ZNF85: variants seen among roughly 807,000 people sequenced by gnomAD.
ZNF85 encodes zinc finger protein 85, also known as zinc finger protein 85 (HPF4, HTF1).
In ZNF85, 50 loss-of-function variants were observed where a neutral mutation model predicts 53.9. The ratio of observed to expected loss-of-function variants is 0.93; its 90% CI spans 0.74 to 1.17. The LOEUF (loss-of-function observed/expected upper bound fraction) is 1.17, where lower values mean the gene tolerates loss of function less well. ZNF85 is among the 50% of genes most tolerant of loss of function. ZNF85 has a pLI of 0.00. For missense variants in ZNF85, 747 were observed against 688.5 expected, an observed-to-expected ratio of 1.08 and a Z score of -0.95; for synonymous variants, 225 against 226.1, an observed-to-expected ratio of 1.00 and a Z score of 0.04.
At position 20,939,531 on chromosome 19, in the gene ZNF85, G is replaced by A. The variant is rs1344578514; in HGVS notation, c.229+4484G>A. Among the ~76,000 whole-genome samples, 6 of 149,936 alleles carry A rather than the reference G, an allele frequency of 4.0e-5. No individual in the cohort carries two copies. The East Asian group carries it at 1.0e-3, about 25-fold the overall frequency. ...GCCTCCCAAAGTGCTGAGATTACAG[G>A]CCTGAGCCACCACTCCCAGGTAGTG... is the stretch of plus-strand genomic sequence containing the variant. On this transcript the variant is annotated intron_variant, in intron 3 of 3. Coordinates refer to ENST00000328178, the MANE Select transcript of ZNF85 (RefSeq NM_003429.5).
intron 3 of ZNF85, chr19:20,946,477 CT>C (rs773002360): frequency 1.1e-5 from 3 of 282,316 alleles, no homozygotes; most frequent in Non-Finnish European, 2.1e-5. Context: ...TTGAAATATC[CT>C]ACTATAAAAA....
Position 20,940,229 on chromosome 19 carries a change from A to G in ZNF85, c.229+5182A>G, listed in dbSNP as rs189077340. Among the ~76,000 whole-genome samples, 90 of 152,102 alleles carry G rather than the reference A, an allele frequency of 5.9e-4. 1 individual carries two copies. Among genetic ancestry groups the G allele is most frequent in the Admixed American group, 4.6e-3 (70 of 15,256 alleles). On this transcript the variant is annotated intron_variant, in intron 3 of 3. Coordinates refer to ENST00000328178, the MANE Select transcript of ZNF85 (RefSeq NM_003429.5). ...ACATAAAGTTTGTCATCTTAAATCT[A>G]TTGAAGTGTACATTTTAGGGCCAGG...
intron 1 of ZNF85, among the ~76,000 whole-genome samples, chr19:20,930,526 A>G (rs1972991045): frequency 6.6e-6 from 1 of 152,186 alleles, no homozygotes; most frequent in Non-Finnish European, 1.5e-5. Flanking sequence ...TTAAATCCTA[A>G]GAATTATTAA....
chr19:20,932,557 G>A (rs113748096), intron 1 of ZNF85, among the ~76,000 whole-genome samples: 1,820 of 152,124 alleles, frequency 0.012, 33 homozygotes, highest in African/African-American at 0.035. Context: ...GGGGAAAGCT[G>A]GAGTCATTTG....
In ZNF85 at chr19:20,949,418, A is replaced by G. The variant is rs752316796; in HGVS notation, c.904A>G (p.Thr302Ala). Residue 302 changes from threonine to alanine, a missense_variant, in exon 4 of 4, where the codon ACT becomes GCT. Coordinates refer to ENST00000328178, the MANE Select transcript of ZNF85 (RefSeq NM_003429.5). ...AGCTTTTAACCGATCTTCAACCCTT[A>G]CTACCCATAGAAAAATTCATACTGG... ...GKAFNRSSTL[T>A]THRKIHTGEK... 3.7e-6 allele frequency: 6 copies of G among 1,609,530 alleles called. No homozygotes were observed. Among genetic ancestry groups the G allele is most frequent in the Non-Finnish European group, 4.2e-6 (5 of 1,177,058 alleles).
chr19:20,948,810 T>C lies in ZNF85; in HGVS notation c.296T>C (p.Val99Ala), dbSNP rs753715935. ...AATATAAAAGATTCTTTCCAAAAAG[T>C]GACACTGAAAAGATATGGAAAATGT... ...EQNIKDSFQKVTLKRYGKCRH... is the reference protein window; with the variant it reads ...EQNIKDSFQKATLKRYGKCRH... Residue 99 changes from valine (V) to alanine (A), a missense_variant, in exon 4 of 4, where the codon GTG (valine) becomes GCG (alanine). Coordinates refer to ENST00000328178, the MANE Select transcript of ZNF85 (RefSeq NM_003429.5). 1 of 1,609,646 alleles carries C rather than the reference T, an allele frequency of 6.2e-7. No homozygotes were observed. Among genetic ancestry groups the C allele is most frequent in the East Asian group, 2.2e-5 (1 of 44,830 alleles).
At chr19:20,933,641 A>C (rs1973080176) in intron 1 of ZNF85, among the ~76,000 whole-genome samples, 1 of 152,132 alleles carries the variant, frequency 6.6e-6, no homozygotes, top group South Asian at 2.1e-4. Context: ...CTTCTAACTC[A>C]ACCTGTCTTT....
intron 1 of ZNF85, among the ~76,000 whole-genome samples, chr19:20,932,914 G>A (rs1973058062): frequency 6.6e-6 from 1 of 151,918 alleles, no homozygotes; most frequent in Non-Finnish European, 1.5e-5. Context: ...CCTAGGATGG[G>A]CGCGGTGGCT....
rs529209609 is a variant in ZNF85, at chr19:20,938,155, C to G, written c.229+3108C>G. Among the ~76,000 whole-genome samples, 5 of 152,310 alleles carry G rather than the reference C, an allele frequency of 3.3e-5. No homozygotes were observed. In the East Asian group the frequency reaches 9.6e-4, roughly 29 times the overall value. On this transcript the variant is annotated intron_variant, in intron 3 of 3. Transcript: ENST00000328178. ...TGGCATGATCTTGGCTCACTCCCAT[C>G]TCCTCCTGGGTTTAAGTGATTATCG... is the stretch of plus-strand genomic sequence containing the variant.
chr19:20,940,706 T>G (rs553349229), intron 3 of ZNF85, among the ~76,000 whole-genome samples: 1 of 152,208 alleles, frequency 6.6e-6, no homozygotes, highest in Non-Finnish European at 1.5e-5. Flanking sequence ...CACTTTCTGT[T>G]TTTATGAGTG....
At chr19:20,926,055 A>G (rs1042051287) in intron 1 of ZNF85, among the ~76,000 whole-genome samples, 2 of 152,340 alleles carry the variant, frequency 1.3e-5, no homozygotes, top group East Asian at 1.9e-4. Flanking sequence ...GGGTGATTTT[A>G]AACAGAATTC....
At chr19:20,931,620 C>CTTTTTTTTTTTTTTTT (rs1156835317) in intron 1 of ZNF85, among the ~76,000 whole-genome samples, 2 of 119,466 alleles carry the variant, frequency 1.7e-5, no homozygotes, top group Non-Finnish European at 1.7e-5. Context: ...TTTTCTTTTT[C>CTTTTTTTTTTTTTTTT]TTTTTTTTTT....
intron 3 of ZNF85, chr19:20,942,774 G>T: frequency 1.4e-6 from 1 of 696,214 alleles, no homozygotes; most frequent in East Asian, 2.7e-5. Context: ...TTTATTTGTT[G>T]TTGTTGTCAT....
intron 1 of ZNF85, among the ~76,000 whole-genome samples, chr19:20,932,774 A>G (rs1038986618): frequency 6.6e-6 from 1 of 152,214 alleles, no homozygotes; most frequent in Admixed American, 6.5e-5. Flanking sequence ...GACAGGGAAG[A>G]TATCTGTATC....
rs1405189375 is a variant in ZNF85, at chr19:20,923,389, G to C, written c.-12G>C. On this transcript the variant is annotated 5_prime_UTR_variant, in exon 1 of 4. Transcript: ENST00000328178. ...CACAGCTAAGACGCCGGGACCCCCT[G>C]GAAGCCTAGAAATGGTGAGAGTGCC... 6.2e-7 allele frequency: 1 copy of C among 1,614,134 alleles called. No homozygotes were observed. The highest frequency in any genetic ancestry group is 8.5e-7 in the Non-Finnish European group (1 of 1,179,990).
In ZNF85 at chr19:20,950,501, A is replaced by T. The variant is rs2144685350; in HGVS notation, c.*199A>T. 4.5e-6 allele frequency: 2 copies of T among 444,276 alleles called. No individual in the cohort carries two copies. The highest frequency in any genetic ancestry group is 7.8e-6 in the Non-Finnish European group (2 of 256,950). 27.5% of individuals were successfully genotyped at this position (444,276 alleles called of 1,614,324 possible). The stretch of plus-strand genomic sequence containing the variant: ...TTTAAATGGTTGTCACACTTTAGGT[A>T]AGATAATTCATATTGGAACAAACTA... On this transcript the variant is annotated 3_prime_UTR_variant, in exon 4 of 4. Coordinates refer to ENST00000328178, the MANE Select transcript of ZNF85 (RefSeq NM_003429.5).
intron 1 of ZNF85, among the ~76,000 whole-genome samples, chr19:20,924,433 C>G (rs8100072): frequency 0.094 from 14,361 of 152,056 alleles, 806 homozygotes; most frequent in Non-Finnish European, 0.12. Context: ...AAGGAGGACC[C>G]CAGGGACTAG....
intron 1 of ZNF85, among the ~76,000 whole-genome samples, chr19:20,925,259 C>T (rs564676061): frequency 9.9e-5 from 15 of 151,914 alleles, no homozygotes; most frequent in Admixed American, 2.0e-4. Context: ...GAATTTGAGA[C>T]CAGCATGGCC....
At chr19:20,925,806 T>G (rs994093901) in intron 1 of ZNF85, among the ~76,000 whole-genome samples, 1 of 152,084 alleles carries the variant, frequency 6.6e-6, no homozygotes, top group Admixed American at 6.5e-5. Context: ...ACTGTCCCTC[T>G]GTGGGTTTGT....
Sources: gnomAD v4.1 joint callset for allele counts (sites outside exome capture counted in the v4.1 genomes callset) on GRCh38, gnomAD v4.1.1 for gene constraint, MANE v1.5 for transcripts, NCBI Gene and HGNC (gene_info 2026-07-23, HGNC 2026-07-21) for gene names.